AP3B1: variants seen among roughly 807,000 people sequenced by gnomAD.
AP3B1 encodes the protein AP-3 complex subunit beta-1.
A neutral mutation model predicts 132.5 loss-of-function variants in AP3B1; 61 were observed. The ratio of observed to expected loss-of-function variants is 0.46; its 90% CI spans 0.37 to 0.57. The LOEUF (loss-of-function observed/expected upper bound fraction) is 0.57, where lower values mean the gene tolerates loss of function less well. Ranked by LOEUF, AP3B1 falls within the 20% of genes least tolerant of loss-of-function variation. The pLI is 0.00. For missense variants in AP3B1, 1,120 were observed against 1,289.4 expected, an observed-to-expected ratio of 0.87 and a Z score of 2.01; for synonymous variants, 388 against 438.3, an observed-to-expected ratio of 0.89 and a Z score of 1.43.
intron 22 of AP3B1, 72 bp downstream of exon 22, chr5:78,089,320 AT>A: frequency 5.4e-6 from 6 of 1,102,802 alleles, no homozygotes; most frequent in Non-Finnish European, 8.2e-6. Flanking sequence ...CACTTCAAGT[AT>A]TTACATTTTA....
intron 22 of AP3B1, among the ~76,000 whole-genome samples, chr5:78,063,824 A>C (rs990934530): frequency 2.6e-5 from 4 of 152,226 alleles, no homozygotes; most frequent in African/African-American, 9.6e-5. Context: ...TACATCAAAT[A>C]AAAAATAAAC....
intron 20 of AP3B1, among the ~76,000 whole-genome samples, chr5:78,104,895 A>AAAC (rs975585262): frequency 6.6e-6 from 1 of 152,326 alleles, no homozygotes; most frequent in African/African-American, 2.4e-5. Context: ...CCTGAGATAA[A>AAAC]AACAACTGAC....
intron 26 of AP3B1, 86 bp from the exon 27 acceptor site, chr5:78,003,141 CT>C (rs1561346952): frequency 1.2e-5 from 18 of 1,460,660 alleles, no homozygotes; most frequent in Non-Finnish European, 1.6e-5. Flanking sequence ...TAAAATAACT[CT>C]TTTTTGTCAA....
In AP3B1 at chr5:78,018,700, A is replaced by ACACACC. The variant is rs1037050101; in HGVS notation, c.2992+1991_2992+1992insGGTGTG. Reference sequence around the variant, plus strand: ...CACACACACACACACACACACACACACCCCTTAAATTTACTTGCATTTTAC... The same window carrying ACACACC: ...CACACACACACACACACACACACACACACACCCCCCTTAAATTTACTTGCATTTTAC... On this transcript the variant is annotated intron_variant, in intron 25 of 26. Coordinates refer to ENST00000255194, the MANE Select transcript of AP3B1 (RefSeq NM_003664.5). Among the ~76,000 whole-genome samples, 4 of 148,610 alleles carry ACACACC rather than the reference A, an allele frequency of 2.7e-5. 1 individual carries two copies. Among genetic ancestry groups the ACACACC allele is most frequent in the African/African-American group, 7.3e-5 (3 of 40,846 alleles).
intron 7 of AP3B1, among the ~76,000 whole-genome samples, chr5:78,195,671 T>C (rs951755322): frequency 6.6e-6 from 1 of 151,908 alleles, no homozygotes; most frequent in Non-Finnish European, 1.5e-5. Flanking sequence ...TACAAAAAAA[T>C]TAGCTGGGTG....
chr5:78,033,200 G>A (rs914946009), intron 24 of AP3B1, among the ~76,000 whole-genome samples: 2 of 152,016 alleles, frequency 1.3e-5, no homozygotes, highest in African/African-American at 2.4e-5. Context: ...TTAGAGTGAT[G>A]TTACTCATAG....
At chr5:78,272,141 A>G (rs1748572874) in intron 1 of AP3B1, among the ~76,000 whole-genome samples, 1 of 152,204 alleles carries the variant, frequency 6.6e-6, no homozygotes, top group African/African-American at 2.4e-5. Flanking sequence ...AGGTTTTTCA[A>G]TAACAACTTA....
intron 2 of AP3B1, among the ~76,000 whole-genome samples, chr5:78,253,862 G>A (rs1747741931): frequency 6.6e-6 from 1 of 151,502 alleles, no homozygotes; most frequent in African/African-American, 2.4e-5. Context: ...AACTACTTGG[G>A]AGGGTGAGGC....
At chr5:78,183,768 GA>G (rs1744472891) in intron 7 of AP3B1, among the ~76,000 whole-genome samples, 1 of 151,546 alleles carries the variant, frequency 6.6e-6, no homozygotes, top group African/African-American at 2.4e-5. Context: ...TCGAGAGGCT[GA>G]GGCAGGAGAA....
Position 78,081,457 on chromosome 5 carries a change from G to A in AP3B1, c.2577+7936C>T, listed in dbSNP as rs533610756. On this transcript the variant is annotated intron_variant, in intron 22 of 26. Transcript: ENST00000255194. ...CGAGTAGCTGGGACTACAGGCGCCC[G>A]CCACTGCGCCCGGCTAATTTTTTTT... Among the ~76,000 whole-genome samples, 528 of 151,914 alleles carry A rather than the reference G, an allele frequency of 3.5e-3. 2 individuals carry two copies. The highest frequency in any genetic ancestry group is 0.012 in the African/African-American group (504 of 41,446).
At chr5:78,131,129 C>G (rs1027661271) in intron 15 of AP3B1, among the ~76,000 whole-genome samples, 6 of 151,460 alleles carry the variant, frequency 4.0e-5, no homozygotes, top group African/African-American at 1.5e-4. Flanking sequence ...TACAATGATG[C>G]ACTAAAACCA....
intron 22 of AP3B1, among the ~76,000 whole-genome samples, chr5:78,075,037 C>T (rs1317717128): frequency 2.6e-5 from 4 of 152,116 alleles, no homozygotes; most frequent in East Asian, 1.9e-4. Flanking sequence ...ACTTAGTAAA[C>T]GTACATATTC....
intron 14 of AP3B1, among the ~76,000 whole-genome samples, chr5:78,142,683 CA>C (rs1753205907): frequency 3.3e-5 from 5 of 151,852 alleles, no homozygotes; most frequent in African/African-American, 9.7e-5. Flanking sequence ...ATGAGATGAT[CA>C]AAAAAGCTTT....
intron 14 of AP3B1, among the ~76,000 whole-genome samples, chr5:78,153,848 T>C (rs1488327417): frequency 6.6e-6 from 1 of 152,158 alleles, no homozygotes; most frequent in African/African-American, 2.4e-5. Flanking sequence ...CTAATAAAAG[T>C]TCTACCCTGC....
At chr5:78,266,356 C>A (rs1395395234) in intron 2 of AP3B1, among the ~76,000 whole-genome samples, 1 of 152,084 alleles carries the variant, frequency 6.6e-6, no homozygotes, top group Non-Finnish European at 1.5e-5. Context: ...CAAAATTGCC[C>A]CTATACTGCC....
At chr5:78,006,882 T>C (rs113601016) in intron 26 of AP3B1, among the ~76,000 whole-genome samples, 69 of 152,356 alleles carry the variant, frequency 4.5e-4, no homozygotes, top group African/African-American at 1.4e-3. Context: ...ATTTAATCTT[T>C]GAAGCCTATA....
At chr5:78,056,940 A>G (rs1748840259) in intron 22 of AP3B1, among the ~76,000 whole-genome samples, 1 of 152,222 alleles carries the variant, frequency 6.6e-6, no homozygotes, top group Non-Finnish European at 1.5e-5. Flanking sequence ...CTATGGCAGC[A>G]TTTGTTGGAT....
intron 2 of AP3B1, among the ~76,000 whole-genome samples, chr5:78,251,377 A>C (rs1218110608): frequency 6.6e-6 from 1 of 152,210 alleles, no homozygotes; most frequent in Non-Finnish European, 1.5e-5. Context: ...TCAGGGGAGC[A>C]CTCACAGGAC....
intron 12 of AP3B1, among the ~76,000 whole-genome samples, chr5:78,164,807 G>A (rs1162346097): frequency 6.6e-6 from 1 of 152,088 alleles, no homozygotes; most frequent in Non-Finnish European, 1.5e-5. Flanking sequence ...CGTGTATACA[G>A]TGTCTTATAA....
Sources: allele counts gnomAD v4.1 joint callset (sites outside exome capture counted in the v4.1 genomes callset), GRCh38; gene constraint gnomAD v4.1.1; transcripts MANE v1.5; gene names NCBI Gene and HGNC (gene_info 2026-07-23, HGNC 2026-07-21).